The following STRADB variants were observed in gnomAD, a reference collection of about 807,000 sequenced individuals.
STRADB encodes the protein STE20-related kinase adapter protein beta.
STRADB carries 34 observed loss-of-function variants against 52.1 expected under a neutral mutation model. The ratio of observed to expected loss-of-function variants is 0.65; its 90% CI spans 0.50 to 0.87. The LOEUF is 0.87. Ranked by LOEUF, STRADB falls within the 40% of genes least tolerant of loss-of-function variation. The pLI is 0.00. For missense variants in STRADB, 340 were observed against 483.9 expected, an observed-to-expected ratio of 0.70 and a Z score of 2.79; for synonymous variants, 133 against 174.5, an observed-to-expected ratio of 0.76 and a Z score of 1.87.
chr2:201,471,657 C>A (rs574418907), intron 4 of STRADB, among the ~76,000 whole-genome samples: 2 of 152,230 alleles, frequency 1.3e-5, no homozygotes, highest in African/African-American at 2.4e-5. Flanking sequence ...TGATAAAATG[C>A]CAAATTTAAA....
chr2:201,472,881 A>T, intron 4 of STRADB, 74 bp from the exon 5 acceptor site: 1 of 1,467,142 alleles, frequency 6.8e-7, no homozygotes, highest in Non-Finnish European at 9.1e-7. Flanking sequence ...AAGACTTTTC[A>T]ATTTTGATGA....
chr2:201,456,210 T>C (rs1291932744), intron 2 of STRADB, among the ~76,000 whole-genome samples: 2 of 152,234 alleles, frequency 1.3e-5, no homozygotes, highest in Non-Finnish European at 2.9e-5. Context: ...AGTAAAACTT[T>C]ACTCACAAAA....
rs918888414 is a variant in STRADB at position 201,480,756 on chromosome 2, G to A, written c.*581G>A. 862 of 985,078 alleles carry A rather than the reference G, an allele frequency of 8.8e-4. 3 individuals carry two copies. The highest frequency in any genetic ancestry group is 1.0e-3 in the Non-Finnish European group (840 of 829,490). 61.0% of individuals were successfully genotyped at this position (985,078 alleles called of 1,614,324 possible). A position where few individuals can be genotyped will look rare whatever the true frequency, so the allele number is the denominator to read the frequency against. On this transcript the variant is annotated 3_prime_UTR_variant, in exon 12 of 12. Transcript: ENST00000194530. ...TTGTAATTTGCTTTTTTTTAAACAA[G>A]GGGGCTAAAGTAACACTTTCCTACT...
rs1341099624 is a variant in STRADB at position 201,461,602 on chromosome 2, G to A, written c.93+2738G>A. Reference sequence around the variant, plus strand: ...TGGTTATTAATCCCTTATCAGATGGGTAATTTGCAAATATTTTCTCCCATT... The same window carrying A: ...TGGTTATTAATCCCTTATCAGATGGATAATTTGCAAATATTTTCTCCCATT... On this transcript the variant is annotated intron_variant, in intron 3 of 11. Transcript: ENST00000194530. 2.0e-5 allele frequency among the ~76,000 whole-genome samples: 3 copies of A among 152,032 alleles called. No individual in the cohort carries two copies. The East Asian group carries it at 5.8e-4, about 29-fold the overall frequency.
chr2:201,475,784 G>C, intron 7 of STRADB, 42 bp downstream of exon 7: 1 of 1,551,692 alleles, frequency 6.4e-7, no homozygotes, highest in Non-Finnish European at 8.7e-7. Context: ...TAATTTTAAT[G>C]GAAGAACTCT....
chr2:201,477,490 A>T, intron 7 of STRADB, 129 bp from the exon 8 acceptor site: 1 of 876,816 alleles, frequency 1.1e-6, no homozygotes, highest in Non-Finnish European at 1.8e-6. Flanking sequence ...ACTGTTTTGC[A>T]GTTTATACTG....
At position 201,463,839 on chromosome 2, in the gene STRADB, ATTCT is replaced by A. The variant is rs541926624; in HGVS notation, c.93+4981_93+4984del. On this transcript the variant is annotated intron_variant, in intron 3 of 11. Transcript: ENST00000194530. ...AAATAGCCTGTCTTCAGTCTCACTA[ATTCT>A]TTCTTCTGCTTGATCAGTTTTGCTA... 1.1e-4 allele frequency among the ~76,000 whole-genome samples: 17 copies of A among 151,838 alleles called. No homozygotes were observed. The East Asian group carries it at 3.3e-3, about 29-fold the overall frequency.
At position 201,480,751 on chromosome 2, in the gene STRADB, A is replaced by G. The variant is rs965793724; in HGVS notation, c.*576A>G. ...AGAAATTGTAATTTGCTTTTTTTTA[A>G]ACAAGGGGGCTAAAGTAACACTTTC... On this transcript the variant is annotated 3_prime_UTR_variant, in exon 12 of 12. Coordinates refer to ENST00000194530, the MANE Select transcript of STRADB (RefSeq NM_018571.6). 4 of 985,526 alleles carry G rather than the reference A, an allele frequency of 4.1e-6. No individual in the cohort carries two copies. Among genetic ancestry groups the G allele is most frequent in the Non-Finnish European group, 4.8e-6 (4 of 829,648 alleles). 61.0% of individuals were successfully genotyped at this position (985,526 alleles called of 1,614,324 possible). A position where few individuals can be genotyped will look rare whatever the true frequency, so the allele number is the denominator to read the frequency against.
In STRADB at chr2:201,470,022, G is replaced by T; in HGVS notation, c.163G>T (p.Val55Phe). The change falls in exon 4 of 12, where the codon GTT becomes TTT. Residue 55 changes from valine (V) to phenylalanine (F), a missense_variant. By Grantham distance (50) the Val-to-Phe change is conservative (BLOSUM62 -1). Coordinates refer to ENST00000194530, the MANE Select transcript of STRADB (RefSeq NM_018571.6). ...CAGTGAAGTACTATGTTCCACCAAC[G>T]TTTCTCACTATGAGCTCCAAGTAGA... is the stretch of plus-strand genomic sequence containing the variant. ...RASEVLCSTNVSHYELQVEIG... is the reference protein window; with the variant it reads ...RASEVLCSTNFSHYELQVEIG... 6.2e-7 allele frequency: 1 copy of T among 1,613,928 alleles called. No individual in the cohort carries two copies. Among genetic ancestry groups the T allele is most frequent in the Non-Finnish European group, 8.5e-7 (1 of 1,179,878 alleles).
intron 3 of STRADB, among the ~76,000 whole-genome samples, chr2:201,464,224 T>C (rs1952262180): frequency 2.0e-5 from 3 of 152,188 alleles, no homozygotes; most frequent in African/African-American, 7.2e-5. Context: ...CCATCCTTCT[T>C]GGGAAGGCTT....
intron 2 of STRADB, among the ~76,000 whole-genome samples, chr2:201,455,715 A>G (rs952247467): frequency 1.3e-5 from 2 of 152,094 alleles, no homozygotes; most frequent in Non-Finnish European, 2.9e-5. Flanking sequence ...AAAAAAAAAA[A>G]GGATGAGTAT....
intron 3 of STRADB, among the ~76,000 whole-genome samples, chr2:201,462,604 A>G (rs1559463673): frequency 6.6e-6 from 1 of 152,182 alleles, no homozygotes; most frequent in Non-Finnish European, 1.5e-5. Context: ...ATAACATAAC[A>G]TGTTATTTTA....
At chr2:201,469,629 C>T (rs1403289629) in intron 3 of STRADB, among the ~76,000 whole-genome samples, 1 of 152,192 alleles carries the variant, frequency 6.6e-6, no homozygotes, top group East Asian at 1.9e-4. Flanking sequence ...TGCAGCTCTT[C>T]GCTTGGTACA....
chr2:201,471,419 T>A (rs1952386094), intron 4 of STRADB, among the ~76,000 whole-genome samples: 1 of 152,144 alleles, frequency 6.6e-6, no homozygotes, highest in African/African-American at 2.4e-5. Flanking sequence ...GGATTTAAGG[T>A]GGAGATTTGG....
intron 7 of STRADB, among the ~76,000 whole-genome samples, chr2:201,477,007 A>G (rs1952483928): frequency 6.8e-6 from 1 of 146,956 alleles, no homozygotes; most frequent in African/African-American, 2.5e-5. Flanking sequence ...AAAAAAAGTG[A>G]AATTAATTAT....
chr2:201,469,383 A>G (rs1376474493), intron 3 of STRADB, among the ~76,000 whole-genome samples: 1 of 152,218 alleles, frequency 6.6e-6, no homozygotes, highest in Non-Finnish European at 1.5e-5. Context: ...AAAGCACACC[A>G]TGAGACCTCC....
Position 201,480,071 on chromosome 2 carries a change from C to T in STRADB, c.1153C>T (p.Pro385Ser). The T allele has an allele frequency of 6.2e-7, 1 of 1,613,844 alleles. No individual in the cohort carries two copies. The highest frequency in any genetic ancestry group is 8.5e-7 in the Non-Finnish European group (1 of 1,179,796). Reference sequence around the variant, plus strand: ...CCAGGATTCAATACTTTCACTGTTGCCTCCTGCTTATAACAAGCCATCAAT... The same window carrying T: ...CCAGGATTCAATACTTTCACTGTTGTCTCCTGCTTATAACAAGCCATCAAT... ...ESQDSILSLL[P>S]PAYNKPSISL... is the part of the protein sequence containing the mutation. Residue 385 changes from proline (P) to serine (S), a missense_variant, in exon 12 of 12, where the codon CCT (proline) becomes TCT (serine). Transcript: ENST00000194530.
At chr2:201,478,717 C>G (rs1952521233) in intron 10 of STRADB, 116 bp downstream of exon 10, 1 of 1,192,406 alleles carries the variant, frequency 8.4e-7, no homozygotes, top group Admixed American at 2.7e-5. Context: ...ATTGTCTGCT[C>G]TAGAAAATAT....
chr2:201,473,900 T>C (rs1952430060), intron 5 of STRADB, among the ~76,000 whole-genome samples: 1 of 150,178 alleles, frequency 6.7e-6, no homozygotes, highest in African/African-American at 2.5e-5. Flanking sequence ...TTTTTTTTTT[T>C]TTTTTTTCGA....
Sources: gnomAD v4.1 joint callset for allele counts (sites outside exome capture counted in the v4.1 genomes callset) on GRCh38, gnomAD v4.1.1 for gene constraint, MANE v1.5 for transcripts, NCBI Gene and HGNC (gene_info 2026-07-23, HGNC 2026-07-21) for gene names.